The following WWC1 variants were observed in gnomAD, a reference collection of about 807,000 sequenced individuals.
The protein encoded by WWC1 is WW and C2 domain containing 1.
A neutral mutation model predicts 138.4 loss-of-function variants in WWC1; 55 were observed. The ratio of observed to expected loss-of-function variants is 0.40; its 90% CI spans 0.32 to 0.50. The LOEUF is 0.50. Ranked by LOEUF, WWC1 falls within the 20% of genes least tolerant of loss-of-function variation. The probability of loss-of-function intolerance (pLI) is 0.72; values close to 1 mark genes in which losing one functional copy is unlikely to be tolerated. For missense variants in WWC1, 1,226 were observed against 1,420.4 expected (o/e 0.86, Z 2.20); for synonymous variants, 524 against 564.9 (o/e 0.93, Z 1.03).
At chr5:168,378,681 C>T (rs1166131135) in intron 2 of WWC1, among the ~76,000 whole-genome samples, 1 of 152,230 alleles carries the variant, frequency 6.6e-6, no homozygotes, top group South Asian at 2.1e-4. Context: ...ATTATATCAG[C>T]TTGTATTGCC....
intron 11 of WWC1, among the ~76,000 whole-genome samples, chr5:168,426,187 C>G (rs549249681): frequency 5.7e-4 from 87 of 152,286 alleles, no homozygotes; most frequent in Non-Finnish European, 9.4e-4. Flanking sequence ...CTGGGTTTCC[C>G]TCATCAGGAA....
At chr5:168,378,267 G>T (rs1777374202) in intron 2 of WWC1, among the ~76,000 whole-genome samples, 1 of 152,092 alleles carries the variant, frequency 6.6e-6, no homozygotes, top group Middle Eastern at 3.2e-3. Context: ...GGCAGCAATA[G>T]GCACTAGGGG....
In WWC1 at chr5:168,457,885, G is replaced by A. The variant is rs116606313; in HGVS notation, c.2823+2365G>A. Among the ~76,000 whole-genome samples, 968 of 152,362 alleles carry A rather than the reference G, an allele frequency of 6.4e-3. 6 individuals are homozygous for A. Among genetic ancestry groups the A allele is most frequent in the African/African-American group, 0.022 (931 of 41,586 alleles). On this transcript the variant is annotated intron_variant, in intron 19 of 22. Coordinates refer to ENST00000265293, the MANE Select transcript of WWC1 (RefSeq NM_015238.3). ...AACAAACTTGGCACATTTGTAGAAT[G>A]AAGGAGAGAAAGAGTGGCCTGTTTC...
chr5:168,307,180 G>T (rs1770641111), intron 1 of WWC1, among the ~76,000 whole-genome samples: 1 of 152,252 alleles, frequency 6.6e-6, no homozygotes. Flanking sequence ...CCATTCTGCA[G>T]ATGAGGAAAT....
At chr5:168,423,435 C>T in intron 10 of WWC1, 98 bp from the exon 11 acceptor site, 1 of 1,357,988 alleles carries the variant, frequency 7.4e-7, no homozygotes, top group South Asian at 1.4e-5. Context: ...CCAAGCAAGT[C>T]TAGTGAGATC....
rs564674062 is a variant in WWC1 at position 168,355,494 on chromosome 5, CAAAAAAAAA to C, written c.120-15913_120-15905del. ...GGGTGACAAGAGTGAGACTCCGTCTCAAAAAAAAAAAAAAAAAAAAAAAAACAGCATTTC... is the reference window on the plus strand; with the variant it reads ...GGGTGACAAGAGTGAGACTCCGTCTCAAAAAAAAAAAAAAAACAGCATTTC... On this transcript the variant is annotated intron_variant, in intron 1 of 22. Coordinates refer to ENST00000265293, the MANE Select transcript of WWC1 (RefSeq NM_015238.3). Among the ~76,000 whole-genome samples the C allele has an allele frequency of 1.7e-3, 113 of 66,530 alleles. 1 individual carries two copies. The highest frequency in any genetic ancestry group is 9.6e-3 in the Middle Eastern group (1 of 104). 43.6% of individuals were successfully genotyped at this position (66,530 alleles called of 152,430 possible). A position where few individuals can be genotyped will look rare whatever the true frequency, so the allele number is the denominator to read the frequency against.
chr5:168,409,404 C>T (rs764604581), intron 7 of WWC1, among the ~76,000 whole-genome samples: 2 of 152,196 alleles, frequency 1.3e-5, no homozygotes, highest in Non-Finnish European at 2.9e-5. Context: ...CTTCCCCATA[C>T]CACCATGTGT....
chr5:168,434,073 G>T (rs1288908363), intron 15 of WWC1, among the ~76,000 whole-genome samples: 2 of 152,238 alleles, frequency 1.3e-5, no homozygotes, highest in Non-Finnish European at 2.9e-5. Context: ...GACTTGAAGG[G>T]GTTGGCAAGC....
chr5:168,330,448 C>A (rs1157118874), intron 1 of WWC1, among the ~76,000 whole-genome samples: 1 of 152,202 alleles, frequency 6.6e-6, no homozygotes, highest in African/African-American at 2.4e-5. Context: ...ATGGAGCTAA[C>A]AATAGGCACC....
intron 9 of WWC1, among the ~76,000 whole-genome samples, chr5:168,421,432 G>C (rs564792288): frequency 5.3e-5 from 8 of 152,122 alleles, no homozygotes; most frequent in Non-Finnish European, 1.0e-4. Context: ...TTTTCTTCAT[G>C]GACCTTGTCA....
chr5:168,428,104 G>A lies in WWC1; in HGVS notation c.1882G>A (p.Ala628Thr), dbSNP rs779110531. The stretch of plus-strand genomic sequence containing the variant: ...AGCCGCCGTATCGGACGAGTCAGTG[G>A]CTGGAGACAGTGGTGTGTACGAGGC... Reference protein sequence around the residue: ...VSAAVSDESVAGDSGVYEASV... With the variant: ...VSAAVSDESVTGDSGVYEASV... Residue 628 changes from alanine (A) to threonine (T), a missense_variant, in exon 12 of 23, where the codon GCT (alanine) becomes ACT (threonine). By Grantham distance (58) the Ala-to-Thr change is moderately conservative. This residue lies in a region of WWC1 where 1,016 missense variants were observed against 1,153.9 expected (regional missense o/e 0.88). Coordinates refer to ENST00000265293, the MANE Select transcript of WWC1 (RefSeq NM_015238.3). 1.2e-6 allele frequency: 2 copies of A among 1,613,796 alleles called. No homozygotes were observed. Among genetic ancestry groups the A allele is most frequent in the South Asian group, 1.1e-5 (1 of 91,064 alleles).
intron 18 of WWC1, among the ~76,000 whole-genome samples, chr5:168,454,892 C>T (rs1313702782): frequency 6.6e-6 from 1 of 152,208 alleles, no homozygotes. Flanking sequence ...CAGTAAAAAC[C>T]TGATGGGTTG....
chr5:168,378,511 T>G (rs1436896118), intron 2 of WWC1, among the ~76,000 whole-genome samples: 1 of 152,244 alleles, frequency 6.6e-6, no homozygotes, highest in Non-Finnish European at 1.5e-5. Flanking sequence ...TTTTCATTTA[T>G]TATTTTAAAT....
chr5:168,353,030 G>A (rs561319701), intron 1 of WWC1, among the ~76,000 whole-genome samples: 23 of 152,182 alleles, frequency 1.5e-4, no homozygotes, highest in African/African-American at 5.5e-4. Flanking sequence ...TGCTATCATT[G>A]TTACTAATGA....
At chr5:168,375,635 G>A (rs1324274300) in intron 2 of WWC1, among the ~76,000 whole-genome samples, 1 of 151,802 alleles carries the variant, frequency 6.6e-6, no homozygotes, top group Non-Finnish European at 1.5e-5. Flanking sequence ...GAGTACAGTG[G>A]CAGATCTTGT....
chr5:168,408,416 G>C, intron 6 of WWC1, 91 bp from the exon 7 acceptor site: 1 of 1,466,640 alleles, frequency 6.8e-7, no homozygotes, highest in African/African-American at 1.4e-5. Context: ...CTAAATTAAG[G>C]GAGGGTAGAG....
chr5:168,438,355 T>A (rs1285152794), intron 15 of WWC1, among the ~76,000 whole-genome samples: 1 of 152,094 alleles, frequency 6.6e-6, no homozygotes, highest in Non-Finnish European at 1.5e-5. Context: ...TGTGTTCTCA[T>A]GAGATCTGAT....
rs143985166 is a variant in WWC1, at chr5:168,382,361, C to T, written c.230-2850C>T. ...CTGTGTGAGACTCAACAACAGTTAC[C>T]TCTGGGCAATGGGATTGGAGAGATG... On this transcript the variant is annotated intron_variant, in intron 2 of 22. Coordinates refer to ENST00000265293, the MANE Select transcript of WWC1 (RefSeq NM_015238.3). Among the ~76,000 whole-genome samples the T allele has an allele frequency of 7.2e-5, 11 of 152,286 alleles. No homozygotes were observed. The South Asian group carries it at 1.7e-3, about 23-fold the overall frequency.
In WWC1 at chr5:168,441,786, G is replaced by A. The variant is rs374274136; in HGVS notation, c.2385G>A (p.Glu795=). The change falls in exon 16 of 23, where the codon GAG becomes GAA. Residue 795 remains glutamate (E), a synonymous_variant. Transcript: ENST00000265293. ...AATACTTGAAGAAACAGAGCAGGGA[G>A]CTCAAGCCAGTGGGAGTCATGGCCC... is the stretch of plus-strand genomic sequence containing the variant. ...SYKYLKKQSR[E]LKPVGVMAPA... 1.1e-4 allele frequency: 173 copies of A among 1,614,026 alleles called. No homozygotes were observed. Among genetic ancestry groups the A allele is most frequent in the Non-Finnish European group, 1.3e-4 (156 of 1,180,028 alleles).
Sources: gnomAD v4.1 joint callset for allele counts (sites outside exome capture counted in the v4.1 genomes callset) on GRCh38, gnomAD v4.1.1 for gene constraint, gnomAD v4.1.1 regional missense constraint, MANE v1.5 for transcripts, NCBI Gene and HGNC (gene_info 2026-07-23, HGNC 2026-07-21) for gene names.